Variants in PUDP observed in about 807,000 individuals in gnomAD.
PUDP encodes the protein pseudouridine-5'-phosphatase.
PUDP carries 8 observed loss-of-function variants against 9.4 expected under a neutral mutation model. That is an observed-to-expected ratio of 0.85 (90% CI 0.50 to 1.53). The LOEUF is 1.53. PUDP is among the 40% of genes most tolerant of loss of function. The pLI is 0.00. For missense variants in PUDP, 188 were observed against 189.7 expected, an observed-to-expected ratio of 0.99 and a Z score of 0.05; for synonymous variants, 99 against 80.7, an observed-to-expected ratio of 1.23 and a Z score of -1.22.
At chrX:6,751,650 A>G (rs991701364) in intron 3 of PUDP, among the ~76,000 whole-genome samples, 4 of 111,679 alleles carry the variant, frequency 3.6e-5, no homozygotes, top group Admixed American at 2.9e-4. Flanking sequence ...GCAACCTTTC[A>G]TCTCACTTTA....
chrX:6,913,799 A>C (rs1927883079), intron 3 of PUDP, among the ~76,000 whole-genome samples: 2 of 111,662 alleles, frequency 1.8e-5, no homozygotes, highest in Admixed American at 1.9e-4. Context: ...TGGGAGACTG[A>C]AAACATTCCT....
chrX:7,001,535 T>C (rs749916584), intron 1 of PUDP, among the ~76,000 whole-genome samples: 25 of 111,112 alleles, frequency 2.2e-4, no homozygotes, highest in African/African-American at 8.1e-4. Context: ...AATATAAAAT[T>C]TTGGTGGTTA....
intron 3 of PUDP, among the ~76,000 whole-genome samples, chrX:6,899,913 AATCTTAAT>A (rs1364349476): frequency 9.0e-6 from 1 of 111,505 alleles, no homozygotes; most frequent in Non-Finnish European, 1.9e-5. Flanking sequence ...AAGATATTAA[AATCTTAAT>A]ATCTTAAGAT....
chrX:7,038,954 G>C (rs1929887352), intron 1 of PUDP, among the ~76,000 whole-genome samples: 2 of 111,176 alleles, frequency 1.8e-5, no homozygotes, highest in African/African-American at 6.5e-5. Context: ...TTGATTGATG[G>C]AGTATTGCTC....
rs759549691 is a variant in PUDP, at chrX:7,148,114, G to A, written c.-1C>T. ...TGACGGGCTGCGGGGGCGCCGCCAT[G>A]GTGGCGCCTTCTGGGTCTGGGTGGG... On this transcript the variant is annotated 5_prime_UTR_variant, in exon 1 of 4. Coordinates refer to ENST00000381077, the MANE Select transcript of PUDP (RefSeq NM_012080.5). 99 of 1,124,913 alleles carry A rather than the reference G, an allele frequency of 8.8e-5. No individual in the cohort carries two copies. Among genetic ancestry groups the A allele is most frequent in the Non-Finnish European group, 1.1e-4 (96 of 849,471 alleles). 92.7% of individuals were successfully genotyped at this position (1,124,913 alleles called of 1,213,427 possible).
At chrX:6,853,471 G>A (rs1280003314) in intron 3 of PUDP, among the ~76,000 whole-genome samples, 1 of 108,862 alleles carries the variant, frequency 9.2e-6, no homozygotes. Flanking sequence ...TTTTAATTGG[G>A]ATTAAGCTCA....
chrX:6,907,517 GCATGCTA>G (rs1357483822), intron 3 of PUDP, among the ~76,000 whole-genome samples: 1 of 111,530 alleles, frequency 9.0e-6, no homozygotes, highest in African/African-American at 3.3e-5. Context: ...GTATGTCCAG[GCATGCTA>G]CATACACATT....
At chrX:6,810,136 G>A (rs1332601699) in intron 3 of PUDP, among the ~76,000 whole-genome samples, 1 of 110,630 alleles carries the variant, frequency 9.0e-6, no homozygotes, top group Non-Finnish European at 1.9e-5. Flanking sequence ...AAGAGAAAAT[G>A]CAGGACATGA....
intron 3 of PUDP, among the ~76,000 whole-genome samples, chrX:7,050,721 G>A (rs1569145948): frequency 8.9e-6 from 1 of 112,250 alleles, no homozygotes; most frequent in East Asian, 2.8e-4. Context: ...TTGAAATGGA[G>A]CGCAGCTGTG....
At chrX:7,087,254 C>T (rs1486841099) in intron 2 of PUDP, among the ~76,000 whole-genome samples, 3 of 111,325 alleles carry the variant, frequency 2.7e-5, no homozygotes, top group South Asian at 3.8e-4. Flanking sequence ...ACACACAGGA[C>T]GAGGGAGGGC....
chrX:7,034,520 G>T (rs1463479056), intron 1 of PUDP, among the ~76,000 whole-genome samples: 2 of 111,638 alleles, frequency 1.8e-5, no homozygotes, highest in East Asian at 5.6e-4. Flanking sequence ...TAGAGATTTA[G>T]TTCTAATTAT....
At chrX:6,948,297 C>G (rs6638642) in intron 3 of PUDP, among the ~76,000 whole-genome samples, 1,984 of 111,184 alleles carry the variant, frequency 0.018, 43 homozygotes, top group African/African-American at 0.062. Context: ...GAAACCGACA[C>G]CTTGTCTTCT....
chrX:7,135,462 T>C (rs1338286708), intron 1 of PUDP, among the ~76,000 whole-genome samples: 3 of 112,081 alleles, frequency 2.7e-5, no homozygotes, highest in African/African-American at 9.7e-5. Context: ...TCTCCTGCAC[T>C]ATGAGAGAGA....
chrX:6,980,259 A>T (rs1478247228), intron 1 of PUDP, among the ~76,000 whole-genome samples: 1 of 104,005 alleles, frequency 9.6e-6, no homozygotes, highest in Non-Finnish European at 1.9e-5. Flanking sequence ...TCCAGGCTAG[A>T]GTGCAGTGGT....
intron 1 of PUDP, among the ~76,000 whole-genome samples, chrX:6,720,252 G>A (rs1924651242): frequency 3.0e-5 from 1 of 32,983 alleles, no homozygotes; most frequent in African/African-American, 1.6e-4. Flanking sequence ...GTATGTGTGT[G>A]TGTGTGTATA....
intron 3 of PUDP, among the ~76,000 whole-genome samples, chrX:6,930,525 G>A (rs1435005323): frequency 3.6e-5 from 4 of 111,352 alleles, no homozygotes; most frequent in Admixed American, 1.9e-4. Flanking sequence ...GTCTAAAAGC[G>A]GGAGGAACTC....
At chrX:6,706,449 TAG>T (rs1324974855) in exon 2 of PUDP, 1 of 111,764 alleles carries the variant, frequency 8.9e-6, no homozygotes, top group Admixed American at 9.5e-5. Context: ...GTCTGGGTGA[TAG>T]AGAGAGATCC....
intron 3 of PUDP, among the ~76,000 whole-genome samples, chrX:6,907,819 A>C (rs888458217): frequency 9.0e-6 from 1 of 111,692 alleles, no homozygotes; most frequent in Admixed American, 9.5e-5. Context: ...GGTGAAGGGT[A>C]CCCGCTTCCT....
At chrX:6,817,630 A>G (rs1173407689) in intron 3 of PUDP, among the ~76,000 whole-genome samples, 2 of 111,687 alleles carry the variant, frequency 1.8e-5, no homozygotes, top group African/African-American at 6.5e-5. Flanking sequence ...CGGATCCTCA[A>G]GAGCACCAAT....
Sources: gnomAD v4.1 joint callset for allele counts (sites outside exome capture counted in the v4.1 genomes callset) on GRCh38, gnomAD v4.1.1 for gene constraint, MANE v1.5 for transcripts, NCBI Gene and HGNC (gene_info 2026-07-23, HGNC 2026-07-21) for gene names.